CD300LF: variants seen among roughly 807,000 people sequenced by gnomAD.
CD300LF encodes CMRF35-like molecule 1.
Under a neutral mutation model 32.2 loss-of-function variants are expected in CD300LF, and 27 were observed. The observed-to-expected ratio is 0.84, with a 90% CI of 0.62 to 1.15. The LOEUF (loss-of-function observed/expected upper bound fraction) is 1.15. CD300LF is among the 50% of genes most tolerant of loss of function. The pLI is 0.00. For synonymous variants in CD300LF, 139 were observed against 143.2 expected (o/e 0.97, Z 0.21); for missense variants, 348 against 356.8 (o/e 0.98, Z 0.20).
Position 74,704,815 on chromosome 17 carries a change from G to T in CD300LF, c.45C>A (p.Gly15=), listed in dbSNP as rs571004658. The change falls in exon 2 of 7, where the codon GGC becomes GGA. Residue 15 remains glycine (G), a splice_region_variant and synonymous_variant. Coordinates refer to ENST00000326165, the MANE Select transcript of CD300LF (RefSeq NM_139018.5). ...TLYLLLFWLS[G]YSIVTQITGP... ...CGGTGATTTGAGTGACAATGGAGTA[G>T]CCTGGAAAACACAAATTCATGTGCT... 5 of 1,608,344 alleles carry T rather than the reference G, an allele frequency of 3.1e-6. No homozygotes were observed. The African/African-American group carries it at 6.7e-5, about 21-fold the overall frequency.
At position 74,695,042 on chromosome 17, in the gene CD300LF, T is replaced by A. The variant is rs1053268717; in HGVS notation, c.*54A>T. ...AGGGGAGCAGGGGGCAGACGGTCGATGAGGCAGGAGTGTGCTCACAGCCTG... is the reference window on the plus strand; with the variant it reads ...AGGGGAGCAGGGGGCAGACGGTCGAAGAGGCAGGAGTGTGCTCACAGCCTG... On this transcript the variant is annotated 3_prime_UTR_variant, in exon 7 of 7. Coordinates refer to ENST00000326165, the MANE Select transcript of CD300LF (RefSeq NM_139018.5). 13 of 1,555,648 alleles carry A rather than the reference T, an allele frequency of 8.4e-6. No homozygotes were observed. Among genetic ancestry groups the A allele is most frequent in the Non-Finnish European group, 1.1e-5 (13 of 1,147,218 alleles).
intron 3 of CD300LF, among the ~76,000 whole-genome samples, chr17:74,702,033 GA>G (rs1221608697): frequency 2.0e-5 from 3 of 151,184 alleles, no homozygotes; most frequent in South Asian, 4.2e-4. Flanking sequence ...TAAAAAAAAA[GA>G]AAACTTTAAA....
At chr17:74,710,071 C>T (rs1271125230) in intron 1 of CD300LF, among the ~76,000 whole-genome samples, 4 of 152,120 alleles carry the variant, frequency 2.6e-5, no homozygotes, top group Non-Finnish European at 4.4e-5. Context: ...TTCCGCCTCC[C>T]GGGTTCACGC....
chr17:74,703,431 C>T (rs2033240273), intron 2 of CD300LF, among the ~76,000 whole-genome samples: 1 of 152,138 alleles, frequency 6.6e-6, no homozygotes, highest in African/African-American at 2.4e-5. Flanking sequence ...CTTGAGCAAC[C>T]TGCTGCTTAT....
intron 4 of CD300LF, among the ~76,000 whole-genome samples, chr17:74,696,451 C>T (rs1222670785): frequency 1.3e-5 from 2 of 152,230 alleles, no homozygotes; most frequent in African/African-American, 2.4e-5. Flanking sequence ...CAGCCCCCTG[C>T]TCCCCACATC....
In CD300LF at chr17:74,695,245, A is replaced by G. The variant is rs1321714825; in HGVS notation, c.724T>C (p.Leu242=). ...VEVEYVTMAS[L]PKEDISYASL... is the part of the protein sequence containing the mutation. ...GCATAGGAAATGTCCTCCTTCGGCA[A>G]GGAAGCCTGCAGCAAAGGCGGGCTC... Residue 242 remains leucine (L), a synonymous_variant, in exon 7 of 7, where the codon TTG becomes CTG. Coordinates refer to ENST00000326165, the MANE Select transcript of CD300LF (RefSeq NM_139018.5). 8 of 1,613,904 alleles carry G rather than the reference A, an allele frequency of 5.0e-6. No homozygotes were observed. Among genetic ancestry groups the G allele is most frequent in the Non-Finnish European group, 6.8e-6 (8 of 1,179,944 alleles).
chr17:74,700,606 G>T (rs1208147354), intron 3 of CD300LF, among the ~76,000 whole-genome samples: 1 of 152,106 alleles, frequency 6.6e-6, no homozygotes, highest in Non-Finnish European at 1.5e-5. Context: ...GCCGGGTGTG[G>T]TGGTGCATTC....
At position 74,704,581 on chromosome 17, in the gene CD300LF, C is replaced by T. The variant is rs1331367158; in HGVS notation, c.279G>A (p.Val93=). 6.2e-7 allele frequency: 1 copy of T among 1,614,186 alleles called. No individual in the cohort carries two copies. The highest frequency in any genetic ancestry group is 1.1e-5 in the South Asian group (1 of 91,074). Residue 93 remains valine, a synonymous_variant, in exon 2 of 7, where the codon GTG becomes GTA. Coordinates refer to ENST00000326165, the MANE Select transcript of CD300LF (RefSeq NM_139018.5). Reference sequence around the variant, plus strand: ...CAGTTTTCATGAGATCCTCCATGGTCACAGTGAACGTGCGGTTTTTCTGAT... The same window carrying T: ...CAGTTTTCATGAGATCCTCCATGGTTACAGTGAACGTGCGGTTTTTCTGAT... ...KDNQKNRTFT[V]TMEDLMKTDA...
rs1376325064 is a variant in CD300LF, at chr17:74,704,351, G to C, written c.382+127C>G. The C allele has an allele frequency of 2.8e-5, 20 of 719,566 alleles. No homozygotes were observed. The Admixed American group carries it at 5.2e-4, about 19-fold the overall frequency. The allele number at this position is 719,566 out of a possible 1,614,324, so 44.6% of individuals were successfully genotyped here. On this transcript the variant is annotated intron_variant, in intron 2 of 6. Transcript: ENST00000326165. Reference sequence around the variant, plus strand: ...TCCCCCAGTCCCAGGTGGTCAGTCAGGGTTCTATGAGACTCGGGACTCAAG... The same window carrying C: ...TCCCCCAGTCCCAGGTGGTCAGTCACGGTTCTATGAGACTCGGGACTCAAG...
intron 1 of CD300LF, among the ~76,000 whole-genome samples, chr17:74,706,861 C>T (rs988724919): frequency 1.3e-5 from 2 of 152,130 alleles, no homozygotes; most frequent in African/African-American, 4.8e-5. Flanking sequence ...AAGAAGCGGG[C>T]CCTGTGACAA....
chr17:74,696,050 GC>G, intron 5 of CD300LF, 144 bp downstream of exon 5: 6 of 1,266,944 alleles, frequency 4.7e-6, no homozygotes, highest in Non-Finnish European at 5.5e-6. Context: ...CAGGCCCTCA[GC>G]CCCCAGGCCC....
At chr17:74,695,388 T>C (rs2143536051) in intron 6 of CD300LF, 137 bp from the exon 7 acceptor site, 1 of 1,054,112 alleles carries the variant, frequency 9.5e-7, no homozygotes, top group Non-Finnish European at 1.4e-6. Flanking sequence ...AGCTTCCCCC[T>C]TCACTCTGCC....
Position 74,703,007 on chromosome 17 carries a change from G to A in CD300LF, c.446+28C>T, listed in dbSNP as rs2033197353. The A allele has an allele frequency of 1.0e-5, 16 of 1,582,142 alleles. 1 individual carries two copies. The South Asian group carries it at 1.5e-4, about 15-fold the overall frequency. The stretch of plus-strand genomic sequence containing the variant: ...CCATTGGAGGAGTTTGGGCCAAGTA[G>A]GCCACAGTGGAACCAGAGCTGGCTT... On this transcript the variant is annotated intron_variant, in intron 3 of 6. Coordinates refer to ENST00000326165, the MANE Select transcript of CD300LF (RefSeq NM_139018.5).
intron 4 of CD300LF, among the ~76,000 whole-genome samples, chr17:74,697,189 C>T (rs2032569202): frequency 6.6e-6 from 1 of 152,142 alleles, no homozygotes; most frequent in African/African-American, 2.4e-5. Flanking sequence ...AGTGATCCAC[C>T]CGCCTCAACC....
rs775631325 is a variant in CD300LF, at chr17:74,712,861, G to A, written c.6C>T (p.Pro2=). M[P]LLTLYLLLFW... ...AGAGGAGCAGGTAGAGTGTCAGCAG[G>A]GGCATCTTCTCTTCAGACAGGTCCC... Residue 2 remains proline (P), a synonymous_variant, in exon 1 of 7, where the codon CCC becomes CCT. Coordinates refer to ENST00000326165, the MANE Select transcript of CD300LF (RefSeq NM_139018.5). The A allele has an allele frequency of 5.0e-6, 8 of 1,613,854 alleles. No individual in the cohort carries two copies. Among genetic ancestry groups the A allele is most frequent in the Admixed American group, 1.7e-5 (1 of 59,978 alleles).
intron 3 of CD300LF, among the ~76,000 whole-genome samples, chr17:74,701,323 A>G (rs1031625747): frequency 6.6e-6 from 1 of 152,156 alleles, no homozygotes; most frequent in Non-Finnish European, 1.5e-5. Context: ...CCATTCTTGT[A>G]CCCTTTTTAA....
intron 6 of CD300LF, 83 bp from the exon 7 acceptor site, chr17:74,695,334 T>C: frequency 6.5e-7 from 1 of 1,531,426 alleles, no homozygotes; most frequent in African/African-American, 1.4e-5. Flanking sequence ...AGGAGGATAG[T>C]GGGGATGGAC....
At position 74,695,767 on chromosome 17, in the gene CD300LF, G is replaced by C. The variant is rs1452296762; in HGVS notation, c.675C>G (p.Ser225=). The C allele has an allele frequency of 3.1e-6, 5 of 1,614,076 alleles. No individual in the cohort carries two copies. Among genetic ancestry groups the C allele is most frequent in the African/African-American group, 1.3e-5 (1 of 74,942 alleles). The change falls in exon 6 of 7, where the codon TCC becomes TCG. Residue 225 remains serine (S), a synonymous_variant. Transcript: ENST00000326165. ...TSPQKATTKL[S]SAQVDQVEVE... is the part of the protein sequence containing the mutation. ...CTTCCACCTGGTCAACCTGGGCAGA[G>C]GAAAGCTTCGTGGTAGCCTTTTGCG...
At chr17:74,704,994 A>G (rs2033391760) in intron 1 of CD300LF, among the ~76,000 whole-genome samples, 178 bp from the exon 2 acceptor site, 1 of 152,236 alleles carries the variant, frequency 6.6e-6, no homozygotes, top group Non-Finnish European at 1.5e-5. Flanking sequence ...CAAAGCCACC[A>G]GGAAAATCAC....
Sources: gnomAD v4.1 joint callset for allele counts (sites outside exome capture counted in the v4.1 genomes callset) on GRCh38, gnomAD v4.1.1 for gene constraint, MANE v1.5 for transcripts, NCBI Gene and HGNC (gene_info 2026-07-23, HGNC 2026-07-21) for gene names.